Variants in FEZ2 observed in about 807,000 individuals in gnomAD.
FEZ2 encodes fasciculation and elongation protein zeta 2, also known as fasciculation and elongation protein zeta-2.
A neutral mutation model predicts 40.4 loss-of-function variants in FEZ2; 51 were observed. That is an observed-to-expected ratio of 1.26 (90% CI 1.01 to 1.59). The LOEUF (loss-of-function observed/expected upper bound fraction) is 1.59. Among genes scored for constraint, FEZ2 ranks in the 40% most tolerant of loss-of-function variants. FEZ2 has a pLI of 0.00. For missense variants in FEZ2, 640 were observed against 438.3 expected (o/e 1.46, Z -4.11); for synonymous variants, 242 against 172.0 (o/e 1.41, Z -3.18).
chr2:36,559,075 A>G (rs1323941370), intron 5 of FEZ2: 1 of 152,222 alleles, frequency 6.6e-6, no homozygotes, highest in East Asian at 1.9e-4. Context: ...GAAATGCGTT[A>G]CTATTATTTT....
At chr2:36,590,504 C>G (rs1669038565) in intron 2 of FEZ2, 1 of 163,980 alleles carries the variant, frequency 6.1e-6, no homozygotes, top group Admixed American at 6.3e-5. Flanking sequence ...CCTGTCTCTA[C>G]TGAAAATACA....
intron 2 of FEZ2, among the ~76,000 whole-genome samples, chr2:36,585,941 G>T (rs1391434443): frequency 6.6e-6 from 1 of 152,210 alleles, no homozygotes; most frequent in East Asian, 1.9e-4. Context: ...AAAAGAAATA[G>T]CTGATATCAT....
intron 1 of FEZ2, among the ~76,000 whole-genome samples, chr2:36,593,911 T>C (rs904330042): frequency 5.3e-5 from 8 of 151,972 alleles, no homozygotes; most frequent in African/African-American, 1.9e-4. Flanking sequence ...GCTTCCCTTA[T>C]AAAACTGAAT....
chr2:36,584,583 A>G (rs1446589165), intron 2 of FEZ2, among the ~76,000 whole-genome samples: 1 of 152,226 alleles, frequency 6.6e-6, no homozygotes, highest in Non-Finnish European at 1.5e-5. Context: ...ATTCCTCAGG[A>G]AGGATTAGCA....
At chr2:36,564,892 C>A (rs1668190479) in intron 5 of FEZ2, among the ~76,000 whole-genome samples, 1 of 152,172 alleles carries the variant, frequency 6.6e-6, no homozygotes, top group Non-Finnish European at 1.5e-5. Context: ...TTGCAGCAAC[C>A]CTGTCTTCTC....
chr2:36,594,805 G>C (rs1179662594), intron 1 of FEZ2, among the ~76,000 whole-genome samples: 2 of 152,162 alleles, frequency 1.3e-5, no homozygotes, highest in African/African-American at 2.4e-5. Context: ...CTTAAACAAG[G>C]CTATAAGAAA....
At chr2:36,588,003 C>T (rs1192628500) in intron 2 of FEZ2, among the ~76,000 whole-genome samples, 2 of 152,012 alleles carry the variant, frequency 1.3e-5, no homozygotes, top group African/African-American at 4.8e-5. Context: ...TCACTTTCAT[C>T]TGCTGAGTTT....
chr2:36,592,452 A>C (rs1358220525), intron 1 of FEZ2, among the ~76,000 whole-genome samples: 1 of 152,176 alleles, frequency 6.6e-6, no homozygotes, highest in Non-Finnish European at 1.5e-5. Context: ...GGGCGCTAAA[A>C]AGAAGCAATA....
chr2:36,560,580 T>C (rs781591618), intron 5 of FEZ2, among the ~76,000 whole-genome samples: 5 of 152,246 alleles, frequency 3.3e-5, no homozygotes, highest in Admixed American at 6.5e-5. Flanking sequence ...ATTTAATCTA[T>C]TGTCGAATTT....
chr2:36,575,998 G>A (rs1668558881), intron 5 of FEZ2, among the ~76,000 whole-genome samples: 1 of 152,130 alleles, frequency 6.6e-6, no homozygotes, highest in African/African-American at 2.4e-5. Flanking sequence ...TATGTTATTG[G>A]AAAAACAGGT....
chr2:36,579,462 A>T (rs72868479), intron 4 of FEZ2, among the ~76,000 whole-genome samples: 1 of 151,942 alleles, frequency 6.6e-6, no homozygotes, highest in Non-Finnish European at 1.5e-5. Flanking sequence ...CATGAGGGCA[A>T]TTTCTAACAG....
At chr2:36,584,371 T>A (rs559070132) in intron 2 of FEZ2, among the ~76,000 whole-genome samples, 243 of 152,178 alleles carry the variant, frequency 1.6e-3, no homozygotes, top group Non-Finnish European at 2.6e-3. Flanking sequence ...CCCTGGGGGA[T>A]TGCACCACAT....
chr2:36,597,918 G>T lies in FEZ2; in HGVS notation c.225C>A (p.Ala75=), dbSNP rs1170209597. The part of the protein sequence containing the change: ...SDPGAEPPRT[A]VRPITERSLL... ...GGCTGCGCTCCGTGATGGGCCGCACGGCCGTCCTCGGGGGCTCGGCGCCCG... is the reference window on the plus strand; with the variant it reads ...GGCTGCGCTCCGTGATGGGCCGCACTGCCGTCCTCGGGGGCTCGGCGCCCG... The change falls in exon 1 of 8, where the codon GCC becomes GCA. Residue 75 remains alanine, a synonymous_variant. Transcript: ENST00000405912. 2.8e-6 allele frequency: 4 copies of T among 1,422,064 alleles called. No homozygotes were observed. The highest frequency in any genetic ancestry group is 3.7e-6 in the Non-Finnish European group (4 of 1,095,710). 88.1% of individuals were successfully genotyped at this position (1,422,064 alleles called of 1,614,324 possible). A position where few individuals can be genotyped will look rare whatever the true frequency, so the allele number is the denominator to read the frequency against.
rs1161220042 is a variant in FEZ2, at chr2:36,555,754, A to G, written c.980-6T>C. 6.5e-7 allele frequency: 1 copy of G among 1,534,970 alleles called. No homozygotes were observed. The highest frequency in any genetic ancestry group is 8.9e-7 in the Non-Finnish European group (1 of 1,128,780). On this transcript the variant is annotated splice_polypyrimidine_tract_variant and splice_region_variant and intron_variant, in intron 6 of 7. Coordinates refer to ENST00000405912, the MANE Select transcript of FEZ2 (RefSeq NM_005102.3). ...CTCCTTCATGGCACGAAGAACTGCA[A>G]AATAGAAGAGGGGAAAAAAGACAAC...
intron 5 of FEZ2, chr2:36,560,778 C>T (rs765231127): frequency 1.4e-5 from 22 of 1,574,134 alleles, no homozygotes; most frequent in Non-Finnish European, 1.8e-5. Flanking sequence ...TAAGGATAAC[C>T]GAGCACCTGT....
intron 5 of FEZ2, among the ~76,000 whole-genome samples, chr2:36,570,469 A>T (rs758155483): frequency 3.3e-5 from 5 of 152,200 alleles, no homozygotes; most frequent in Non-Finnish European, 7.4e-5. Flanking sequence ...ATATTTTCAA[A>T]ACCACTAAAA....
chr2:36,576,072 C>G (rs1436544984), intron 5 of FEZ2, among the ~76,000 whole-genome samples: 2 of 152,072 alleles, frequency 1.3e-5, no homozygotes, highest in African/African-American at 4.8e-5. Context: ...TAATAGCAAA[C>G]TCATAGAGAC....
intron 2 of FEZ2, chr2:36,589,907 C>T (rs1236688346): frequency 6.6e-6 from 1 of 152,164 alleles, no homozygotes; most frequent in Non-Finnish European, 1.5e-5. Context: ...ATAGAGCACG[C>T]AAGAAGATCT....
intron 1 of FEZ2, among the ~76,000 whole-genome samples, chr2:36,597,122 T>C (rs1669248138): frequency 1.3e-5 from 2 of 152,206 alleles, no homozygotes; most frequent in South Asian, 4.1e-4. Context: ...TTTTCGTCTC[T>C]GTGGCGGCTC....
Sources: allele counts gnomAD v4.1 joint callset (sites outside exome capture counted in the v4.1 genomes callset), GRCh38; gene constraint gnomAD v4.1.1; transcripts MANE v1.5; gene names NCBI Gene and HGNC (gene_info 2026-07-23, HGNC 2026-07-21).